CSNK1G1: variants seen among roughly 807,000 people sequenced by gnomAD.
CSNK1G1 encodes the protein casein kinase I isoform gamma-1.
CSNK1G1 carries 22 observed loss-of-function variants against 59.6 expected under a neutral mutation model. That is an observed-to-expected ratio of 0.37 (90% CI 0.26 to 0.53). The LOEUF (loss-of-function observed/expected upper bound fraction) is 0.53. Ranked by LOEUF, CSNK1G1 falls within the 20% of genes least tolerant of loss-of-function variation. The pLI is 0.89. For synonymous variants in CSNK1G1, 179 were observed against 177.1 expected, an observed-to-expected ratio of 1.01 and a Z score of -0.08; for missense variants, 384 against 519.5, an observed-to-expected ratio of 0.74 and a Z score of 2.54.
chr15:64,267,322 C>G (rs553516740), intron 2 of CSNK1G1, among the ~76,000 whole-genome samples: 1 of 135,352 alleles, frequency 7.4e-6, no homozygotes, highest in South Asian at 2.4e-4. Context: ...AAAGTGAAAA[C>G]AGGCAAATGG....
chr15:64,242,394 A>C (rs139363678), intron 4 of CSNK1G1, among the ~76,000 whole-genome samples: 1 of 151,804 alleles, frequency 6.6e-6, no homozygotes, highest in South Asian at 2.1e-4. Context: ...TTTTTCCCCC[A>C]CTTTCCCCCG....
At chr15:64,193,185 C>T (rs905570943) in intron 10 of CSNK1G1, among the ~76,000 whole-genome samples, 20 of 151,458 alleles carry the variant, frequency 1.3e-4, no homozygotes, top group Non-Finnish European at 2.8e-4. Flanking sequence ...GGGGGTAAGA[C>T]GGAAGAAGAA....
At chr15:64,260,956 G>C (rs1239460734) in intron 2 of CSNK1G1, among the ~76,000 whole-genome samples, 1 of 152,000 alleles carries the variant, frequency 6.6e-6, no homozygotes, top group East Asian at 1.9e-4. Flanking sequence ...GGTTTCTTAG[G>C]TCAAACACCT....
chr15:64,307,373 C>T (rs1895734815), intron 1 of CSNK1G1, among the ~76,000 whole-genome samples: 2 of 152,168 alleles, frequency 1.3e-5, no homozygotes, highest in South Asian at 4.2e-4. Context: ...CAACAAGAAA[C>T]TTAGGAAGCT....
chr15:64,181,639 C>A (rs1376768051), intron 10 of CSNK1G1: 1 of 473,378 alleles, frequency 2.1e-6, no homozygotes, highest in Non-Finnish European at 3.7e-6. Context: ...TAAGTTTGAA[C>A]CCCAGCTCCA....
chr15:64,333,974 T>C (rs1309077875), intron 1 of CSNK1G1, among the ~76,000 whole-genome samples: 1 of 152,140 alleles, frequency 6.6e-6, no homozygotes, highest in African/African-American at 2.4e-5. Context: ...ACTCCACTGA[T>C]AGCCCTAGAT....
At position 64,188,476 on chromosome 15, in the gene CSNK1G1, A is replaced by C; in HGVS notation, c.1108-8022T>G. 6.5e-7 allele frequency: 1 copy of C among 1,536,018 alleles called. No homozygotes were observed. The highest frequency in any genetic ancestry group is 2.4e-5 in the East Asian group (1 of 40,922). ...ATTTCCCACTCTCCTCGGCGCTCTG[A>C]TGATACATTCTGCTTAGGCGTTAGA... On this transcript the variant is annotated intron_variant, in intron 10 of 11. Coordinates refer to ENST00000303052, the MANE Select transcript of CSNK1G1 (RefSeq NM_022048.5). This position sits in a 1 kb window ranked among gnomAD's most constrained non-coding sequence, Gnocchi z 4.2.
intron 1 of CSNK1G1, among the ~76,000 whole-genome samples, chr15:64,333,728 G>A (rs1897240010): frequency 6.6e-6 from 1 of 151,804 alleles, no homozygotes; most frequent in Admixed American, 6.6e-5. Flanking sequence ...ACATGCAAAC[G>A]GAAACCAAAA....
intron 4 of CSNK1G1, among the ~76,000 whole-genome samples, chr15:64,242,470 A>G (rs1358332597): frequency 1.3e-5 from 2 of 152,092 alleles, no homozygotes; most frequent in African/African-American, 2.4e-5. Flanking sequence ...GCCTTCTGCT[A>G]TGACTGTAAG....
intron 4 of CSNK1G1, among the ~76,000 whole-genome samples, chr15:64,249,095 C>G (rs1891930659): frequency 6.6e-6 from 1 of 152,120 alleles, no homozygotes; most frequent in Non-Finnish European, 1.5e-5. Flanking sequence ...GCACTCCAGC[C>G]TGGTGACATA....
chr15:64,205,938 G>T (rs1596091585), intron 7 of CSNK1G1, among the ~76,000 whole-genome samples: 2 of 152,190 alleles, frequency 1.3e-5, no homozygotes, highest in South Asian at 4.1e-4. Flanking sequence ...TTCTGGAAGA[G>T]GGGGTGTAGG....
intron 3 of CSNK1G1, among the ~76,000 whole-genome samples, chr15:64,255,053 C>A (rs1156796985): frequency 6.6e-6 from 1 of 151,984 alleles, no homozygotes; most frequent in Non-Finnish European, 1.5e-5. Context: ...CTGTCCTTTC[C>A]CCCAATGAGT....
intron 4 of CSNK1G1, among the ~76,000 whole-genome samples, chr15:64,228,496 C>T (rs552276532): frequency 2.6e-5 from 4 of 152,138 alleles, no homozygotes; most frequent in East Asian, 1.9e-4. Flanking sequence ...ATTAGCTGGG[C>T]GTGGTGGCGC....
intron 1 of CSNK1G1, among the ~76,000 whole-genome samples, chr15:64,320,569 C>T (rs186568926): frequency 1.3e-5 from 2 of 150,784 alleles, no homozygotes; most frequent in African/African-American, 4.9e-5. Flanking sequence ...ATCCCAGCTA[C>T]TTGGGAGGCT....
At chr15:64,334,693 C>T (rs1897287716) in intron 1 of CSNK1G1, among the ~76,000 whole-genome samples, 1 of 152,152 alleles carries the variant, frequency 6.6e-6, no homozygotes, top group Non-Finnish European at 1.5e-5. Flanking sequence ...GAATCTAATG[C>T]TGCCATTGAT....
At chr15:64,244,703 C>A (rs536391318) in intron 4 of CSNK1G1, among the ~76,000 whole-genome samples, 12 of 151,952 alleles carry the variant, frequency 7.9e-5, no homozygotes, top group African/African-American at 2.7e-4. Flanking sequence ...TGTAACATGG[C>A]AAAACCCCAC....
chr15:64,219,847 C>A (rs2082363447), intron 4 of CSNK1G1, among the ~76,000 whole-genome samples: 1 of 149,192 alleles, frequency 6.7e-6, no homozygotes, highest in Admixed American at 6.7e-5. Flanking sequence ...GATCTCAGCT[C>A]AATGCAACCT....
At chr15:64,221,316 C>T (rs2082385789) in intron 4 of CSNK1G1, among the ~76,000 whole-genome samples, 1 of 152,120 alleles carries the variant, frequency 6.6e-6, no homozygotes, top group South Asian at 2.1e-4. Context: ...CTTAATAATC[C>T]TTAGTATCAA....
At chr15:64,325,816 T>C in intron 1 of CSNK1G1, among the ~76,000 whole-genome samples, 1 of 152,152 alleles carries the variant, frequency 6.6e-6, no homozygotes. Context: ...GGGTAAGTAA[T>C]TGGCCTAATA....
Sources: allele counts gnomAD v4.1 joint callset (sites outside exome capture counted in the v4.1 genomes callset), GRCh38; gene constraint gnomAD v4.1.1; non-coding constraint Gnocchi (gnomAD v3.1); transcripts MANE v1.5; gene names NCBI Gene and HGNC (gene_info 2026-07-23, HGNC 2026-07-21).